Variants in YARS1 observed in about 807,000 individuals in gnomAD.
YARS1 encodes tyrosyl-tRNA synthetase 1, also known as tyrosine--tRNA ligase, cytoplasmic.
In YARS1, 36 loss-of-function variants were observed where a neutral mutation model predicts 62.2. The observed-to-expected ratio is 0.58, with a 90% CI of 0.44 to 0.76. YARS1 has a LOEUF of 0.76. Among genes scored for constraint, YARS1 ranks in the 30% least tolerant of loss-of-function variants. The probability of loss-of-function intolerance (pLI) is 0.00; values close to 1 mark genes in which losing one functional copy is unlikely to be tolerated. For synonymous variants in YARS1, 234 were observed against 244.9 expected, an observed-to-expected ratio of 0.96 and a Z score of 0.42; for missense variants, 524 against 639.8, an observed-to-expected ratio of 0.82 and a Z score of 1.95.
intron 9 of YARS1, chr1:32,781,718 T>C (rs1653063518): frequency 6.0e-6 from 1 of 165,784 alleles, no homozygotes; most frequent in Non-Finnish European, 1.3e-5. Flanking sequence ...AAAGATAAGC[T>C]TCTCTAAGCT....
intron 5 of YARS1, among the ~76,000 whole-genome samples, chr1:32,794,754 T>C (rs1653518168): frequency 6.8e-6 from 1 of 147,502 alleles, no homozygotes; most frequent in African/African-American, 2.5e-5. Context: ...ATGCCTGTAA[T>C]CCCAGCACTT....
intron 6 of YARS1, among the ~76,000 whole-genome samples, chr1:32,789,633 G>A (rs1366730290): frequency 6.6e-6 from 1 of 151,450 alleles, no homozygotes; most frequent in African/African-American, 2.4e-5. Context: ...CTGTGGCCCA[G>A]GCTGGAGTGC....
chr1:32,809,759 A>T (rs1295972668), intron 3 of YARS1, among the ~76,000 whole-genome samples: 1 of 152,230 alleles, frequency 6.6e-6, no homozygotes, highest in Middle Eastern at 3.2e-3. Flanking sequence ...GTTTAAATGC[A>T]AAAGTGACTA....
intron 6 of YARS1, among the ~76,000 whole-genome samples, chr1:32,789,250 T>C (rs1261701167): frequency 1.3e-5 from 2 of 152,344 alleles, no homozygotes; most frequent in Non-Finnish European, 2.9e-5. Context: ...TTGGACATCT[T>C]TGCAGTCTTT....
intron 3 of YARS1, among the ~76,000 whole-genome samples, chr1:32,810,060 C>T (rs1489907769): frequency 6.7e-5 from 10 of 149,552 alleles, no homozygotes; most frequent in Non-Finnish European, 4.4e-5. Flanking sequence ...GAGTCAAGAT[C>T]GCGCCATTGC....
intron 4 of YARS1, chr1:32,798,202 T>C (rs1168134713): frequency 3.9e-6 from 1 of 254,210 alleles, no homozygotes; most frequent in Non-Finnish European, 7.8e-6. Context: ...TCTATATGGG[T>C]CTGAGAAATC....
Position 32,776,054 on chromosome 1 carries a change from C to T in YARS1, c.1514G>A (p.Trp505Ter), listed in dbSNP as rs1553122276. ...CTTGGTCATGAAGTTGGTTTGCTTC[C>T]ACTGTGCGATGCACTCCTCAGAAAT... ...FKISEECIAQ[W>*]KQTNFMTKLG... Residue 505 changes from tryptophan (W) to a stop codon, truncating the protein, a stop_gained, in exon 13 of 13, where the codon TGG becomes TAG. Coordinates refer to ENST00000373477, the MANE Select transcript of YARS1 (RefSeq NM_003680.4). LOFTEE classifies it high-confidence loss of function. The surrounding 1 kb of genome is among the most constrained non-coding windows in gnomAD (Gnocchi z 4.0). The T allele has an allele frequency of 6.2e-7, 1 of 1,614,104 alleles. No individual in the cohort carries two copies. The highest frequency in any genetic ancestry group is 2.2e-5 in the East Asian group (1 of 44,886).
At chr1:32,795,750 G>A (rs1237526832) in intron 5 of YARS1, among the ~76,000 whole-genome samples, 3 of 150,178 alleles carry the variant, frequency 2.0e-5, no homozygotes, top group Non-Finnish European at 4.4e-5. Context: ...AGGTTGCAGT[G>A]AGCCAAGATT....
intron 3 of YARS1, among the ~76,000 whole-genome samples, chr1:32,806,863 G>A (rs1465719877): frequency 1.3e-5 from 2 of 152,192 alleles, no homozygotes; most frequent in African/African-American, 4.8e-5. Context: ...ATTGGGTATT[G>A]TGCTGATTAC....
chr1:32,815,841 G>A (rs1638705248), intron 1 of YARS1, among the ~76,000 whole-genome samples: 1 of 152,134 alleles, frequency 6.6e-6, no homozygotes, highest in South Asian at 2.1e-4. Flanking sequence ...CGGGAGCCGT[G>A]GCTCACGCCT....
At position 32,781,110 on chromosome 1, in the gene YARS1, G is replaced by C. The variant is rs1286292344; in HGVS notation, c.1078C>G (p.Pro360Ala). The part of the protein sequence containing the change: ...MAKGPAKNSE[P>A]EEVIPSRLDI... ...AGCCGGGATGGGATGACCTCCTCTG[G>C]TTCTGAATTCTTGGCAGGGCCTTTG... The change falls in exon 10 of 13, where the codon CCA (proline) becomes GCA (alanine). Residue 360 changes from proline to alanine, a missense_variant. Coordinates refer to ENST00000373477, the MANE Select transcript of YARS1 (RefSeq NM_003680.4). 6 of 1,614,190 alleles carry C rather than the reference G, an allele frequency of 3.7e-6. No individual in the cohort carries two copies. The highest frequency in any genetic ancestry group is 1.7e-5 in the Admixed American group (1 of 60,014).
chr1:32,786,836 C>A, intron 7 of YARS1, 104 bp downstream of exon 7: 1 of 1,440,246 alleles, frequency 6.9e-7, no homozygotes. Context: ...AGAATCAGGG[C>A]AGCCAGTCCC....
chr1:32,788,748 G>C (rs983014924), intron 6 of YARS1, among the ~76,000 whole-genome samples: 4 of 151,966 alleles, frequency 2.6e-5, no homozygotes, highest in Non-Finnish European at 5.9e-5. Context: ...CTAATTATTT[G>C]TTAAAATGGG....
chr1:32,787,056 A>T lies in YARS1; in HGVS notation c.704T>A (p.Leu235His). The T allele has an allele frequency of 1.2e-6, 2 of 1,614,196 alleles. No individual in the cohort carries two copies. Among genetic ancestry groups the T allele is most frequent in the Non-Finnish European group, 1.7e-6 (2 of 1,180,032 alleles). Residue 235 changes from leucine to histidine, a missense_variant, in exon 7 of 13, where the codon CTT (leucine) becomes CAT (histidine). Coordinates refer to ENST00000373477, the MANE Select transcript of YARS1 (RefSeq NM_003680.4). The stretch of plus-strand genomic sequence containing the variant: ...TTTCTTCACATCCTCCTTCCGATCA[A>T]GGAGATCAATCTTGGACTCCTAGAA... ...SSEEESKIDLLDRKEDVKKKL... is the reference protein window; with the variant it reads ...SSEEESKIDLHDRKEDVKKKL...
At chr1:32,781,999 TTG>T in intron 9 of YARS1, 4 of 170,274 alleles carry the variant, frequency 2.3e-5, no homozygotes, top group Non-Finnish European at 3.8e-5. Context: ...TTTTTTTTTT[TTG>T]GGTAGAGACT....
At chr1:32,802,477 A>C (rs1372139569) in intron 4 of YARS1, among the ~76,000 whole-genome samples, 4 of 152,102 alleles carry the variant, frequency 2.6e-5, no homozygotes, top group African/African-American at 9.7e-5. Flanking sequence ...GTCACTATCT[A>C]TGGCAGCTAT....
rs746830192 is a variant in YARS1, at chr1:32,810,784, G to A, written c.205-18C>T. 3.1e-6 allele frequency: 5 copies of A among 1,614,084 alleles called. No individual in the cohort carries two copies. The East Asian group carries it at 1.1e-4, about 36-fold the overall frequency. ...ATTGTTACCTGGACAAGAGATAAGG[G>A]GCCACCAAAATGTGAATTTGTCCAA... On this transcript the variant is annotated intron_variant, in intron 2 of 12. Transcript: ENST00000373477.
At position 32,775,977 on chromosome 1, in the gene YARS1, C is replaced by T. The variant is rs771314633; in HGVS notation, c.*4G>A. 1 of 1,610,938 alleles carries T rather than the reference C, an allele frequency of 6.2e-7. No individual in the cohort carries two copies. Among genetic ancestry groups the T allele is most frequent in the African/African-American group, 1.3e-5 (1 of 74,830 alleles). The stretch of plus-strand genomic sequence containing the variant: ...TGGAAGAAGGGGGGAAGATGCTGGG[C>T]TGGCTAGCTAATGTTCCCCCCTTTC... On this transcript the variant is annotated 3_prime_UTR_variant, in exon 13 of 13. Coordinates refer to ENST00000373477, the MANE Select transcript of YARS1 (RefSeq NM_003680.4).
chr1:32,788,343 T>G (rs1234666952), intron 6 of YARS1, among the ~76,000 whole-genome samples: 1 of 152,186 alleles, frequency 6.6e-6, no homozygotes, highest in Non-Finnish European at 1.5e-5. Context: ...CTCGAACTCC[T>G]GCCATTAAGT....
Sources: allele counts gnomAD v4.1 joint callset (sites outside exome capture counted in the v4.1 genomes callset), GRCh38; gene constraint gnomAD v4.1.1; non-coding constraint Gnocchi (gnomAD v3.1); transcripts MANE v1.5; gene names NCBI Gene and HGNC (gene_info 2026-07-23, HGNC 2026-07-21).